Variants in SPTLC1 observed in about 807,000 individuals in gnomAD.
SPTLC1 encodes serine palmitoyltransferase 1.
SPTLC1 carries 55 observed loss-of-function variants against 68.9 expected under a neutral mutation model. The ratio of observed to expected loss-of-function variants is 0.80; its 90% CI spans 0.64 to 1.00. The LOEUF is 1.00. Ranked by LOEUF, SPTLC1 falls within the 50% of genes least tolerant of loss-of-function variation. The pLI is 0.00. For synonymous variants in SPTLC1, 197 were observed against 201.6 expected, an observed-to-expected ratio of 0.98 and a Z score of 0.19; for missense variants, 449 against 573.1, an observed-to-expected ratio of 0.78 and a Z score of 2.21.
At position 92,041,584 on chromosome 9, in the gene SPTLC1, A is replaced by C. The variant is rs1322244605; in HGVS notation, c.1137-3219T>G. ...GAAACGATCAAGCCTTGTTTTACTC[A>C]GTGCTTCCATGAAGCAGAAAGAGTG... On this transcript the variant is annotated intron_variant, in intron 12 of 14. Transcript: ENST00000262554. Among the ~76,000 whole-genome samples, 3 of 152,382 alleles carry C rather than the reference A, an allele frequency of 2.0e-5. No homozygotes were observed. In the East Asian group the frequency reaches 5.8e-4, roughly 29 times the overall value.
chr9:92,038,507 T>A, intron 12 of SPTLC1, 142 bp from the exon 13 acceptor site: 1 of 734,896 alleles, frequency 1.4e-6, no homozygotes, highest in Non-Finnish European at 2.5e-6. Flanking sequence ...ATCATTCCAA[T>A]TCCAACAAAG....
chr9:92,086,912 T>C (rs1366980955), intron 3 of SPTLC1, among the ~76,000 whole-genome samples: 4 of 152,366 alleles, frequency 2.6e-5, no homozygotes, highest in East Asian at 1.9e-4. Flanking sequence ...TTTCACATAG[T>C]CCCATATTTC....
chr9:92,110,843 T>C (rs1836207933), intron 2 of SPTLC1: 1 of 152,204 alleles, frequency 6.6e-6, no homozygotes, highest in South Asian at 2.1e-4. Context: ...CTAGACTATG[T>C]ACAAAATCTA....
intron 3 of SPTLC1, chr9:92,104,978 A>G (rs887261512): frequency 6.5e-7 from 1 of 1,532,646 alleles, no homozygotes; most frequent in Non-Finnish European, 8.7e-7. Flanking sequence ...CCCACTTCCA[A>G]CAGTGCTCCC....
chr9:92,112,513 A>G lies in SPTLC1; in HGVS notation c.107T>C (p.Ile36Thr). ...GTAAGTCTTAGAGAAAAGAAGTCTG[A>G]TTATCCAGAGGATCAGAATCCCTTC... ...ILEGILILWI[I>T]RLLFSKTYKL... The change falls in exon 2 of 15, where the codon ATC becomes ACC. Residue 36 changes from isoleucine (I) to threonine (T), a missense_variant. By Grantham distance (89) the Ile-to-Thr change is moderately conservative. Around this residue, in one of 3 missense-constraint regions of SPTLC1, gnomAD observed 46 missense variants for 57.8 expected, o/e 0.80. Transcript: ENST00000262554. The G allele has an allele frequency of 6.2e-7, 1 of 1,611,038 alleles. No homozygotes were observed. Among genetic ancestry groups the G allele is most frequent in the Non-Finnish European group, 8.5e-7 (1 of 1,179,664 alleles).
Position 92,051,696 on chromosome 9 carries a change from G to C in SPTLC1, c.781-1629C>G, listed in dbSNP as rs111631358. 7.2e-5 allele frequency among the ~76,000 whole-genome samples: 11 copies of C among 152,314 alleles called. No homozygotes were observed. In the East Asian group the frequency reaches 2.1e-3, roughly 29 times the overall value. ...GTAAAATTATCTCTATTCACAGATG[G>C]TGTAATCTTATACATAGAATAAGAT... On this transcript the variant is annotated intron_variant, in intron 8 of 14. Coordinates refer to ENST00000262554, the MANE Select transcript of SPTLC1 (RefSeq NM_006415.4).
At chr9:92,108,972 G>A (rs1442486121) in intron 2 of SPTLC1, 138 bp from the exon 3 acceptor site, 3 of 1,322,000 alleles carry the variant, frequency 2.3e-6, no homozygotes, top group Non-Finnish European at 3.1e-6. Context: ...TCAAGCTTAT[G>A]TCTTCACACT....
At chr9:92,076,857 AG>A (rs1172298970) in intron 5 of SPTLC1, 3 of 152,152 alleles carry the variant, frequency 2.0e-5, no homozygotes, top group Non-Finnish European at 4.4e-5. Context: ...CGGGGTCTGA[AG>A]GCTGAAAAGG....
intron 3 of SPTLC1, among the ~76,000 whole-genome samples, chr9:92,099,907 A>G (rs1162938988): frequency 6.6e-6 from 1 of 152,204 alleles, no homozygotes; most frequent in African/African-American, 2.4e-5. Context: ...AGGCTATACC[A>G]TATAGTCTAG....
chr9:92,097,680 G>A (rs1376666749), intron 3 of SPTLC1, among the ~76,000 whole-genome samples: 1 of 152,204 alleles, frequency 6.6e-6, no homozygotes, highest in Non-Finnish European at 1.5e-5. Context: ...GGAGTGGGAA[G>A]TAACTGCTAA....
chr9:92,058,809 GA>G (rs1376385981), intron 7 of SPTLC1, among the ~76,000 whole-genome samples: 1 of 152,162 alleles, frequency 6.6e-6, no homozygotes, highest in Admixed American at 6.5e-5. Flanking sequence ...ATTCTGGTAT[GA>G]ATAAGCCTAT....
At chr9:92,083,477 G>C (rs953741927) in intron 3 of SPTLC1, among the ~76,000 whole-genome samples, 4 of 152,046 alleles carry the variant, frequency 2.6e-5, no homozygotes, top group African/African-American at 7.2e-5. Context: ...AGTTTTCCCA[G>C]CACCATTTAT....
At chr9:92,039,433 A>T (rs1456575176) in intron 12 of SPTLC1, among the ~76,000 whole-genome samples, 4 of 151,892 alleles carry the variant, frequency 2.6e-5, no homozygotes, top group Non-Finnish European at 5.9e-5. Flanking sequence ...TATTATTATT[A>T]TTTTTGAGAT....
chr9:92,115,255 T>TCCTC (rs1423681189), intron 1 of SPTLC1, 59 bp downstream of exon 1: 15 of 1,556,738 alleles, frequency 9.6e-6, no homozygotes, highest in Non-Finnish European at 1.1e-5. Flanking sequence ...TCCACACGCG[T>TCCTC]CCTCCCACCC....
chr9:92,040,665 G>C (rs1833313709), intron 12 of SPTLC1, among the ~76,000 whole-genome samples: 1 of 151,814 alleles, frequency 6.6e-6, no homozygotes. Context: ...GGCTGAGACA[G>C]GAAAATCGCT....
intron 3 of SPTLC1, among the ~76,000 whole-genome samples, chr9:92,094,208 A>G (rs1254352802): frequency 1.3e-5 from 2 of 152,230 alleles, no homozygotes; most frequent in Non-Finnish European, 2.9e-5. Flanking sequence ...GAAAGATACC[A>G]AAGACAAAGT....
At chr9:92,099,389 C>T (rs1281614394) in intron 3 of SPTLC1, among the ~76,000 whole-genome samples, 2 of 152,146 alleles carry the variant, frequency 1.3e-5, no homozygotes, top group East Asian at 1.9e-4. Flanking sequence ...AATGGATATA[C>T]AGTCGCGTGC....
At chr9:92,045,452 T>C (rs1587912108) in intron 12 of SPTLC1, among the ~76,000 whole-genome samples, 1 of 119,756 alleles carries the variant, frequency 8.4e-6, no homozygotes, top group East Asian at 2.8e-4. Flanking sequence ...CATATGTAAC[T>C]AACCTCACAA....
At chr9:92,034,022 C>G (rs900783873) in intron 14 of SPTLC1, among the ~76,000 whole-genome samples, 1 of 152,238 alleles carries the variant, frequency 6.6e-6, no homozygotes, top group Non-Finnish European at 1.5e-5. Flanking sequence ...GGCTTGCACT[C>G]TGTACTCCCA....
Sources: allele counts gnomAD v4.1 joint callset (sites outside exome capture counted in the v4.1 genomes callset), GRCh38; gene constraint gnomAD v4.1.1; regional missense constraint gnomAD v4.1.1; transcripts MANE v1.5; gene names NCBI Gene and HGNC (gene_info 2026-07-23, HGNC 2026-07-21).